The following ZMYM4 variants were observed in gnomAD, a reference collection of about 807,000 sequenced individuals.
The protein encoded by ZMYM4 is zinc finger MYM-type containing 4.
A neutral mutation model predicts 183.2 loss-of-function variants in ZMYM4; 31 were observed. That is an observed-to-expected ratio of 0.17 (90% CI 0.13 to 0.23). The LOEUF (loss-of-function observed/expected upper bound fraction) is 0.23, where lower values mean the gene tolerates loss of function less well. ZMYM4 is among the 10% of genes least tolerant of loss of function. The probability of loss-of-function intolerance (pLI) is 1.00; values close to 1 mark genes in which losing one functional copy is unlikely to be tolerated. For synonymous variants in ZMYM4, 592 were observed against 631.2 expected, an observed-to-expected ratio of 0.94 and a Z score of 0.93; for missense variants, 1,273 against 1,840.3, an observed-to-expected ratio of 0.69 and a Z score of 5.64.
rs548084794 is a variant in ZMYM4 at position 35,335,810 on chromosome 1, G to A, written c.85+10405G>A. 1.4e-3 allele frequency among the ~76,000 whole-genome samples: 217 copies of A among 152,078 alleles called. 2 individuals are homozygous for A. The highest frequency in any genetic ancestry group is 5.1e-3 in the African/African-American group (210 of 41,504). ...CTACTAAAAATATAAAAAATTAGCC[G>A]GACGTGATGGCAGGCGCATGTAGTC... is the stretch of plus-strand genomic sequence containing the variant. On this transcript the variant is annotated intron_variant, in intron 2 of 29. Coordinates refer to ENST00000314607, the MANE Select transcript of ZMYM4 (RefSeq NM_005095.3).
At chr1:35,327,565 T>G (rs1285399924) in intron 2 of ZMYM4, among the ~76,000 whole-genome samples, 5 of 152,230 alleles carry the variant, frequency 3.3e-5, no homozygotes, top group African/African-American at 1.2e-4. Context: ...GACTATGTTA[T>G]TTGATATTGA....
intron 10 of ZMYM4, 57 bp from the exon 11 acceptor site, chr1:35,386,017 A>T: frequency 7.8e-7 from 1 of 1,281,022 alleles, no homozygotes; most frequent in Admixed American, 2.0e-5. Context: ...TTAATTTCTC[A>T]TACTTTTGTG....
At position 35,387,151 on chromosome 1, in the gene ZMYM4, C is replaced by T; in HGVS notation, c.1985C>T (p.Ala662Val). Residue 662 changes from alanine (A) to valine (V), a missense_variant, in exon 12 of 30, where the codon GCT (alanine) becomes GTT (valine). By Grantham distance (64) the Ala-to-Val change is moderately conservative (BLOSUM62 0). Transcript: ENST00000314607. ...TCTCCCACCTCCATCAGTAGCTCTG[C>T]TGCAGCTGGTCTCCAGCGTCTCGCT... ...AVSPTSISSS[A>V]AAGLQRLAAQ... 6.2e-7 allele frequency: 1 copy of T among 1,614,246 alleles called. No individual in the cohort carries two copies. The highest frequency in any genetic ancestry group is 8.5e-7 in the Non-Finnish European group (1 of 1,180,042).
chr1:35,390,057 A>G lies in ZMYM4; in HGVS notation c.2546A>G (p.Asn849Ser). 6.2e-7 allele frequency: 1 copy of G among 1,613,938 alleles called. No homozygotes were observed. The highest frequency in any genetic ancestry group is 8.5e-7 in the Non-Finnish European group (1 of 1,179,928). ...CTGCTTTGTATCTTGATGTTCTGTA[A>G]TCAGCAAAGTGTATGTGACCCGCCT... ...CNLLCILMFCNQQSVCDPPSQ... is the reference protein window; with the variant it reads ...CNLLCILMFCSQQSVCDPPSQ... The change falls in exon 15 of 30, where the codon AAT (asparagine) becomes AGT (serine). Residue 849 changes from asparagine (N) to serine (S), a missense_variant. Asn to Ser is a conservative substitution (Grantham distance 46). Around this residue, in one of 6 missense-constraint regions of ZMYM4, gnomAD observed 290 missense variants for 353.3 expected, o/e 0.82. Transcript: ENST00000314607.
chr1:35,320,033 C>G (rs1191143455), intron 1 of ZMYM4, among the ~76,000 whole-genome samples: 2 of 152,150 alleles, frequency 1.3e-5, no homozygotes, highest in Non-Finnish European at 2.9e-5. Flanking sequence ...ATAAAAATAT[C>G]TTTGGGCTAG....
chr1:35,308,263 AT>A (rs1165393656), intron 1 of ZMYM4, among the ~76,000 whole-genome samples: 2 of 152,216 alleles, frequency 1.3e-5, no homozygotes, highest in Non-Finnish European at 2.9e-5. Flanking sequence ...AAGTGCTGGG[AT>A]TACAGGCATG....
chr1:35,343,211 A>T (rs919540288), intron 2 of ZMYM4, among the ~76,000 whole-genome samples: 2 of 152,092 alleles, frequency 1.3e-5, no homozygotes, highest in African/African-American at 4.8e-5. Flanking sequence ...GCCCAATTTT[A>T]TTATTATATT....
At position 35,371,327 on chromosome 1, in the gene ZMYM4, A is replaced by G. The variant is rs374106728; in HGVS notation, c.1181+700A>G. Among the ~76,000 whole-genome samples, 17 of 152,184 alleles carry G rather than the reference A, an allele frequency of 1.1e-4. 1 individual carries two copies. The highest frequency in any genetic ancestry group is 8.5e-4 in the Admixed American group (13 of 15,296). ...GAGACGGGCTTTCTCTGTGTTAGCC[A>G]GGATGGTCTCGATCTCCTGACCTCG... On this transcript the variant is annotated intron_variant, in intron 7 of 29. Coordinates refer to ENST00000314607, the MANE Select transcript of ZMYM4 (RefSeq NM_005095.3).
At chr1:35,334,967 CAAAAT>C (rs1029234486) in intron 2 of ZMYM4, among the ~76,000 whole-genome samples, 3 of 152,114 alleles carry the variant, frequency 2.0e-5, no homozygotes, top group Non-Finnish European at 2.9e-5. Flanking sequence ...TTATTAAACA[CAAAAT>C]AAACTTACAA....
At chr1:35,295,249 AG>A (rs1160578237) in intron 1 of ZMYM4, among the ~76,000 whole-genome samples, 2 of 152,350 alleles carry the variant, frequency 1.3e-5, no homozygotes, top group Admixed American at 6.5e-5. Flanking sequence ...GAACAGTGGC[AG>A]TTAAGCAAAG....
At chr1:35,273,070 C>G (rs1305410619) in intron 1 of ZMYM4, among the ~76,000 whole-genome samples, 1 of 152,146 alleles carries the variant, frequency 6.6e-6, no homozygotes, top group Non-Finnish European at 1.5e-5. Context: ...GTAGGCCTGC[C>G]TGATGTCTTG....
At chr1:35,281,825 G>A (rs1404908504) in intron 1 of ZMYM4, among the ~76,000 whole-genome samples, 1 of 152,020 alleles carries the variant, frequency 6.6e-6, no homozygotes, top group African/African-American at 2.4e-5. Flanking sequence ...ATGGTCCCTT[G>A]CGCCAGCCTC....
rs933327903 is a variant in ZMYM4, at chr1:35,370,848, CTTTTA to C, written c.1181+223_1181+227del. The C allele has an allele frequency of 1.1e-5, 5 of 459,380 alleles. No individual in the cohort carries two copies. In the Admixed American group the frequency reaches 1.4e-4, roughly 13 times the overall value. The allele number at this position is 459,380 out of a possible 1,614,324, so 28.5% of individuals were successfully genotyped here. ...TGTTTTTTAGCTTTCAATAATGTTA[CTTTTA>C]TGTATTGTTTTTGAAACCAGCTCTC... On this transcript the variant is annotated intron_variant, in intron 7 of 29. Coordinates refer to ENST00000314607, the MANE Select transcript of ZMYM4 (RefSeq NM_005095.3).
At chr1:35,325,938 G>A (rs1642483720) in intron 2 of ZMYM4, among the ~76,000 whole-genome samples, 1 of 152,030 alleles carries the variant, frequency 6.6e-6, no homozygotes, top group Non-Finnish European at 1.5e-5. Flanking sequence ...GGTGTATGGA[G>A]ATTTATATAT....
At chr1:35,413,900 C>A in intron 26 of ZMYM4, 72 bp from the exon 27 acceptor site, 1 of 914,652 alleles carries the variant, frequency 1.1e-6, no homozygotes, top group Non-Finnish European at 1.7e-6. Flanking sequence ...AACTGTATTT[C>A]TTACAATAAT....
intron 9 of ZMYM4, among the ~76,000 whole-genome samples, chr1:35,382,996 A>G (rs1012992444): frequency 1.3e-5 from 2 of 152,184 alleles, no homozygotes; most frequent in Non-Finnish European, 2.9e-5. Flanking sequence ...CCAGATAATC[A>G]AAATTATATC....
chr1:35,271,849 C>G (rs1219238702), intron 1 of ZMYM4, among the ~76,000 whole-genome samples: 1 of 152,106 alleles, frequency 6.6e-6, no homozygotes, highest in Non-Finnish European at 1.5e-5. Context: ...TTCTAGTCCT[C>G]GCTATTCAGA....
rs1426486253 is a variant in ZMYM4 at position 35,396,620 on chromosome 1, C to A, written c.2980C>A (p.Leu994Ile). ...CGTACCAGTGTTTGTTCCCATACCTCTTCACCTTTATACTCAATATGCTCC... is the reference window on the plus strand; with the variant it reads ...CGTACCAGTGTTTGTTCCCATACCTATTCACCTTTATACTCAATATGCTCC... ...VPVPVFVPIP[L>I]HLYTQYAPVP... is the part of the protein sequence containing the mutation. The change falls in exon 19 of 30, where the codon CTT (leucine) becomes ATT (isoleucine). Residue 994 changes from leucine (L) to isoleucine (I), a missense_variant. Physicochemically the swap from Leu to Ile is conservative, Grantham distance 5. Transcript: ENST00000314607. 3 of 1,613,748 alleles carry A rather than the reference C, an allele frequency of 1.9e-6. No individual in the cohort carries two copies. In the African/African-American group the frequency reaches 4.0e-5, roughly 22 times the overall value.
intron 1 of ZMYM4, among the ~76,000 whole-genome samples, chr1:35,291,363 C>T (rs1640752606): frequency 6.6e-6 from 1 of 151,808 alleles, no homozygotes; most frequent in Non-Finnish European, 1.5e-5. Context: ...CCTGAAGTGA[C>T]CCTCCCACAT....
Sources: gnomAD v4.1 joint callset for allele counts (sites outside exome capture counted in the v4.1 genomes callset) on GRCh38, gnomAD v4.1.1 for gene constraint, gnomAD v4.1.1 regional missense constraint, MANE v1.5 for transcripts, NCBI Gene and HGNC (gene_info 2026-07-23, HGNC 2026-07-21) for gene names.